Variants in FRMD4A observed in about 807,000 individuals in gnomAD.
FRMD4A encodes FERM domain-containing protein 4A.
FRMD4A carries 29 observed loss-of-function variants against 129.1 expected under a neutral mutation model. The ratio of observed to expected loss-of-function variants is 0.22; its 90% CI spans 0.17 to 0.31. The LOEUF (loss-of-function observed/expected upper bound fraction) is 0.31, where lower values mean the gene tolerates loss of function less well. Among genes scored for constraint, FRMD4A ranks in the 10% least tolerant of loss-of-function variants. The pLI is 1.00. For synonymous variants in FRMD4A, 634 were observed against 571.6 expected (o/e 1.11, Z -1.56); for missense variants, 1,272 against 1,375.8 (o/e 0.92, Z 1.19).
At chr10:14,113,134 G>T (rs1429645932) in intron 2 of FRMD4A, among the ~76,000 whole-genome samples, 1 of 152,092 alleles carries the variant, frequency 6.6e-6, no homozygotes, top group African/African-American at 2.4e-5. Context: ...CATTTCATTT[G>T]TCATCATTAT....
chr10:14,281,797 C>A (rs960801262), intron 2 of FRMD4A, among the ~76,000 whole-genome samples: 2 of 152,200 alleles, frequency 1.3e-5, no homozygotes, highest in African/African-American at 4.8e-5. Context: ...CCAAAACCAC[C>A]TTTTCCCACT....
chr10:13,819,513 G>C (rs543196200), intron 3 of FRMD4A, among the ~76,000 whole-genome samples: 1 of 152,194 alleles, frequency 6.6e-6, no homozygotes, highest in Admixed American at 6.5e-5. Flanking sequence ...ATGTGCTCTT[G>C]TGTTGTGGTA....
intron 4 of FRMD4A, among the ~76,000 whole-genome samples, chr10:13,806,959 C>A (rs1342211105): frequency 1.3e-5 from 2 of 152,192 alleles, no homozygotes; most frequent in Non-Finnish European, 2.9e-5. Flanking sequence ...AGGCATGTGA[C>A]ACCATACCCG....
At chr10:13,926,716 C>T (rs1465901398) in intron 2 of FRMD4A, among the ~76,000 whole-genome samples, 1 of 149,776 alleles carries the variant, frequency 6.7e-6, no homozygotes, top group South Asian at 2.1e-4. Flanking sequence ...AAGACAGTGT[C>T]CTTATACAAG....
intron 3 of FRMD4A, among the ~76,000 whole-genome samples, chr10:13,818,361 ATTCT>A (rs1048213461): frequency 6.6e-6 from 1 of 151,822 alleles, no homozygotes; most frequent in African/African-American, 2.4e-5. Flanking sequence ...GTAAAGATGG[ATTCT>A]TTCTATGTTG....
rs573533405 is a variant in FRMD4A, at chr10:13,872,492, T to C, written c.46-13580A>G. Among the ~76,000 whole-genome samples, 14 of 152,372 alleles carry C rather than the reference T, an allele frequency of 9.2e-5. No homozygotes were observed. The East Asian group carries it at 2.7e-3, about 29-fold the overall frequency. ...CAGGAGCTGGCCTAAGAAAGGAGGT[T>C]TAGGAATACCCATGCACGATGTGTG... is the stretch of plus-strand genomic sequence containing the variant. On this transcript the variant is annotated intron_variant, in intron 2 of 24. Transcript: ENST00000357447.
chr10:14,106,735 G>C (rs1837606505), intron 2 of FRMD4A, among the ~76,000 whole-genome samples: 2 of 152,094 alleles, frequency 1.3e-5, no homozygotes, highest in Non-Finnish European at 2.9e-5. Flanking sequence ...TTTTTAAAAA[G>C]ATCTTTCTGT....
At chr10:14,058,972 T>G (rs774784193) in intron 2 of FRMD4A, among the ~76,000 whole-genome samples, 1 of 152,058 alleles carries the variant, frequency 6.6e-6, no homozygotes, top group Non-Finnish European at 1.5e-5. Flanking sequence ...AAAATGATTT[T>G]CATTGTCAAG....
intron 17 of FRMD4A, among the ~76,000 whole-genome samples, chr10:13,669,153 C>A (rs1349365212): frequency 6.6e-6 from 1 of 150,742 alleles, no homozygotes; most frequent in Non-Finnish European, 1.5e-5. Context: ...CCTCCGACTC[C>A]CGGGTTCAAG....
At chr10:13,696,671 G>A (rs190415821) in intron 14 of FRMD4A, among the ~76,000 whole-genome samples, 5 of 152,292 alleles carry the variant, frequency 3.3e-5, no homozygotes, top group Admixed American at 2.0e-4. Context: ...TTGAACCCGG[G>A]AGGCGGAGGT....
At chr10:14,315,136 C>T (rs1846691056) in intron 2 of FRMD4A, among the ~76,000 whole-genome samples, 2 of 152,058 alleles carry the variant, frequency 1.3e-5, no homozygotes, top group South Asian at 2.1e-4. Flanking sequence ...ACTCCCTCCC[C>T]TTTCAATGCC....
At chr10:13,909,010 A>G (rs1389160378) in intron 2 of FRMD4A, among the ~76,000 whole-genome samples, 2 of 152,216 alleles carry the variant, frequency 1.3e-5, no homozygotes, top group Non-Finnish European at 2.9e-5. Flanking sequence ...TTACAGTTTT[A>G]GCCTCCTCCC....
chr10:13,890,757 A>G (rs886904745), intron 2 of FRMD4A: 1 of 985,186 alleles, frequency 1.0e-6, no homozygotes, highest in Non-Finnish European at 1.2e-6. Context: ...CTTTGCGGGC[A>G]TTGGTTCTCG....
Position 14,048,895 on chromosome 10 carries a change from TAGAATAG to T in FRMD4A, c.46-189990_46-189984del, listed in dbSNP as rs879530223. Among the ~76,000 whole-genome samples the T allele has an allele frequency of 6.2e-3, 525 of 84,036 alleles. 14 individuals are homozygous for T. The highest frequency in any genetic ancestry group is 0.018 in the African/African-American group (359 of 19,934). 55.1% of individuals were successfully genotyped at this position (84,036 alleles called of 152,430 possible). ...TAGAATAGAATAGAATAGAATAGAA[TAGAATAG>T]AAAATAAAATGAAATATGGTGGGAG... On this transcript the variant is annotated intron_variant, in intron 2 of 24. Coordinates refer to ENST00000357447, the MANE Select transcript of FRMD4A (RefSeq NM_018027.5).
chr10:14,194,505 G>C (rs1291792763), intron 2 of FRMD4A, among the ~76,000 whole-genome samples: 3 of 152,214 alleles, frequency 2.0e-5, no homozygotes, highest in Non-Finnish European at 4.4e-5. Flanking sequence ...CAGCTACTCG[G>C]GAGGCTGAGG....
intron 3 of FRMD4A, among the ~76,000 whole-genome samples, chr10:13,832,838 C>T (rs2093812050): frequency 6.6e-6 from 1 of 152,142 alleles, no homozygotes; most frequent in Non-Finnish European, 1.5e-5. Flanking sequence ...CAGGGTCTTG[C>T]TATGTTGCCC....
At chr10:13,803,663 A>G (rs1187359035) in intron 4 of FRMD4A, among the ~76,000 whole-genome samples, 1 of 151,804 alleles carries the variant, frequency 6.6e-6, no homozygotes, top group Admixed American at 6.6e-5. Context: ...TAGCGCTTCT[A>G]CACCACGTTT....
chr10:14,209,545 C>G (rs561787727), intron 2 of FRMD4A, among the ~76,000 whole-genome samples: 1 of 151,964 alleles, frequency 6.6e-6, no homozygotes, highest in Admixed American at 6.6e-5. Flanking sequence ...CATGGTGAAA[C>G]CCCGTCTCTA....
At chr10:14,055,623 G>T (rs1192187971) in intron 2 of FRMD4A, among the ~76,000 whole-genome samples, 4 of 152,198 alleles carry the variant, frequency 2.6e-5, no homozygotes, top group Non-Finnish European at 5.9e-5. Flanking sequence ...TCAGGTTACA[G>T]ATATTTGCTC....
Sources: allele counts gnomAD v4.1 joint callset (sites outside exome capture counted in the v4.1 genomes callset), GRCh38; gene constraint gnomAD v4.1.1; transcripts MANE v1.5; gene names NCBI Gene and HGNC (gene_info 2026-07-23, HGNC 2026-07-21).